Variants in MECR observed in about 807,000 individuals in gnomAD.
MECR encodes mitochondrial trans-2-enoyl-CoA reductase, also known as enoyl-[acyl-carrier-protein] reductase, mitochondrial.
A neutral mutation model predicts 49.1 loss-of-function variants in MECR; 37 were observed. That is an observed-to-expected ratio of 0.75 (90% CI 0.58 to 0.99). The LOEUF is 0.99. Among genes scored for constraint, MECR ranks in the 50% least tolerant of loss-of-function variants. The pLI, the probability that MECR is intolerant of heterozygous loss-of-function variation, is 0.00. For missense variants in MECR, 470 were observed against 479.6 expected, an observed-to-expected ratio of 0.98 and a Z score of 0.19; for synonymous variants, 198 against 191.1, an observed-to-expected ratio of 1.04 and a Z score of -0.30.
intron 4 of MECR, among the ~76,000 whole-genome samples, chr1:29,205,870 A>C (rs1010062928): frequency 6.6e-6 from 1 of 152,110 alleles, no homozygotes; most frequent in African/African-American, 2.4e-5. Flanking sequence ...ACCGGGCTTC[A>C]TGGGCTTTGC....
chr1:29,221,623 T>C (rs944045319), intron 1 of MECR, among the ~76,000 whole-genome samples: 5 of 152,186 alleles, frequency 3.3e-5, no homozygotes, highest in Admixed American at 6.5e-5. Flanking sequence ...AAGTCTTTGA[T>C]GGCTCCCAGG....
intron 4 of MECR, among the ~76,000 whole-genome samples, chr1:29,203,518 G>A (rs566712342): frequency 2.0e-5 from 3 of 152,284 alleles, no homozygotes; most frequent in South Asian, 2.1e-4. Flanking sequence ...TATAGCCTTC[G>A]TCATCCTCCC....
At chr1:29,212,647 C>T (rs1203444512) in intron 3 of MECR, among the ~76,000 whole-genome samples, 1 of 152,252 alleles carries the variant, frequency 6.6e-6, no homozygotes, top group African/African-American at 2.4e-5. Flanking sequence ...ACTTCATCAT[C>T]TGAAGCCTGA....
chr1:29,220,438 C>T lies in MECR; in HGVS notation c.177-3753G>A, dbSNP rs549761078. On this transcript the variant is annotated intron_variant, in intron 1 of 9. Coordinates refer to ENST00000263702, the MANE Select transcript of MECR (RefSeq NM_016011.5). ...AGTGCCAGTCATTTAGGAAATCAGGCGCAGGGCCCAAACCAAAGGGACTTA... is the reference window on the plus strand; with the variant it reads ...AGTGCCAGTCATTTAGGAAATCAGGTGCAGGGCCCAAACCAAAGGGACTTA... 2.1e-4 allele frequency among the ~76,000 whole-genome samples: 32 copies of T among 152,124 alleles called. 1 individual carries two copies. The South Asian group carries it at 6.2e-3, about 30-fold the overall frequency.
chr1:29,230,690 A>G, intron 1 of MECR, 41 bp downstream of exon 1: 2 of 1,546,138 alleles, frequency 1.3e-6, no homozygotes, highest in Non-Finnish European at 1.7e-6. Context: ...AGCCTTCCAG[A>G]AACCCCAGTC....
the MECR span, chr1:29,168,870 T>C: frequency 2.0e-5 from 3 of 152,168 alleles, no homozygotes; most frequent in African/African-American, 4.8e-5. Flanking sequence ...AACCAAAAAA[T>C]ATAAGCGTGA....
chr1:29,216,872 C>T lies in MECR; in HGVS notation c.177-187G>A, dbSNP rs112683383. ...ACAGGAGGCTGGGCGTGGTGGCTCA[C>T]GCCTGTAATCCCAGCACTTTGGAAG... is the stretch of plus-strand genomic sequence containing the variant. On this transcript the variant is annotated intron_variant, in intron 1 of 9. Transcript: ENST00000263702. The T allele has an allele frequency of 2.7e-5, 36 of 1,329,920 alleles. No homozygotes were observed. In the African/African-American group the frequency reaches 2.9e-4, roughly 11 times the overall value. The allele number at this position is 1,329,920 out of a possible 1,614,324, so 82.4% of individuals were successfully genotyped here. A position where few individuals can be genotyped will look rare whatever the true frequency, so the allele number is the denominator to read the frequency against.
At chr1:29,191,907 C>T (rs983195075), downstream of MECR, among the ~76,000 whole-genome samples, 1 of 152,072 alleles carries the variant, frequency 6.6e-6, no homozygotes, top group Non-Finnish European at 1.5e-5. Context: ...GCCTGGCCAA[C>T]ATAGTGAAAC....
the MECR span, among the ~76,000 whole-genome samples, chr1:29,184,322 G>GCC: frequency 6.7e-6 from 1 of 148,732 alleles, no homozygotes; most frequent in African/African-American, 2.5e-5. Flanking sequence ...TTACAGGCAT[G>GCC]TGCCACCACG....
At chr1:29,217,228 T>C (rs1376046841) in intron 1 of MECR, among the ~76,000 whole-genome samples, 48 of 149,252 alleles carry the variant, frequency 3.2e-4, no homozygotes, top group African/African-American at 1.1e-3. Context: ...TTTTTTTTTT[T>C]AGACAGAGTC....
chr1:29,169,995 T>C, the MECR span: 19 of 152,332 alleles, frequency 1.2e-4, no homozygotes, highest in Admixed American at 1.2e-3. Flanking sequence ...TATTTCACTT[T>C]TACACTGCAA....
At chr1:29,202,920 A>C (rs1675661240) in intron 5 of MECR, among the ~76,000 whole-genome samples, 1 of 152,140 alleles carries the variant, frequency 6.6e-6, no homozygotes, top group Non-Finnish European at 1.5e-5. Context: ...CTCTCTTTAC[A>C]TGTCAGATTC....
chr1:29,180,247 T>C, the MECR span, among the ~76,000 whole-genome samples: 1 of 152,128 alleles, frequency 6.6e-6, no homozygotes, highest in African/African-American at 2.4e-5. Flanking sequence ...AGCTGGGCTC[T>C]GAAAAAAACT....
At chr1:29,209,890 T>C (rs924789903) in intron 3 of MECR, among the ~76,000 whole-genome samples, 1 of 152,094 alleles carries the variant, frequency 6.6e-6, no homozygotes, top group Non-Finnish European at 1.5e-5. Context: ...GGTGTCCTGG[T>C]CCTATGTGGG....
the MECR span, among the ~76,000 whole-genome samples, chr1:29,173,849 G>C: frequency 6.6e-6 from 1 of 151,664 alleles, no homozygotes; most frequent in African/African-American, 2.4e-5. Context: ...ATTTTAATTA[G>C]AAAAAATTAG....
At chr1:29,189,635 C>T (rs1483214003), downstream of MECR, among the ~76,000 whole-genome samples, 1 of 152,194 alleles carries the variant, frequency 6.6e-6, no homozygotes, top group Non-Finnish European at 1.5e-5. Context: ...TCGGCAACCC[C>T]TGGTTGGTCT....
intron 1 of MECR, among the ~76,000 whole-genome samples, chr1:29,228,621 TATC>T (rs1314732298): frequency 6.6e-6 from 1 of 152,126 alleles, no homozygotes; most frequent in East Asian, 1.9e-4. Flanking sequence ...CGGTTGGAAG[TATC>T]ATGTTTTGAA....
chr1:29,196,338 C>T (rs1283663000), intron 7 of MECR, 80 bp from the exon 8 acceptor site: 2 of 1,259,674 alleles, frequency 1.6e-6, no homozygotes, highest in East Asian at 4.7e-5. Flanking sequence ...CGCTTCTACT[C>T]CAACCCTGGT....
At position 29,194,049 on chromosome 1, in the gene MECR, T is replaced by A. The variant is rs1291480838; in HGVS notation, c.1095A>T (p.Ile365=). 1.9e-6 allele frequency: 3 copies of A among 1,614,140 alleles called. No individual in the cohort carries two copies. In the South Asian group the frequency reaches 3.3e-5, roughly 18 times the overall value. The part of the protein sequence containing the change: ...SALEASMKPF[I]SSKQILTM ...ACATGGTGAGAATCTGCTTTGAAGA[T>A]ATGAAGGGCTTCATGGAGGCTTCCA... The change falls in exon 10 of 10, where the codon ATA becomes ATT. Residue 365 remains isoleucine, a synonymous_variant. Coordinates refer to ENST00000263702, the MANE Select transcript of MECR (RefSeq NM_016011.5).
Sources: gnomAD v4.1 joint callset for allele counts (sites outside exome capture counted in the v4.1 genomes callset) on GRCh38, gnomAD v4.1.1 for gene constraint, MANE v1.5 for transcripts, NCBI Gene and HGNC (gene_info 2026-07-23, HGNC 2026-07-21) for gene names.